Variants in SHTN1 observed in about 807,000 individuals in gnomAD.
SHTN1 encodes the protein shootin-1.
Under a neutral mutation model 83.1 loss-of-function variants are expected in SHTN1, and 42 were observed. The observed-to-expected ratio is 0.51, with a 90% CI of 0.39 to 0.65. SHTN1 has a LOEUF of 0.65. Among genes scored for constraint, SHTN1 ranks in the 30% least tolerant of loss-of-function variants. The pLI, the probability that SHTN1 is intolerant of heterozygous loss-of-function variation, is 0.00. For missense variants in SHTN1, 622 were observed against 737.8 expected, an observed-to-expected ratio of 0.84 and a Z score of 1.82; for synonymous variants, 224 against 247.7, an observed-to-expected ratio of 0.90 and a Z score of 0.90.
intron 2 of SHTN1, among the ~76,000 whole-genome samples, chr10:117,027,740 C>T (rs958986664): frequency 2.0e-5 from 3 of 152,180 alleles, no homozygotes; most frequent in South Asian, 2.1e-4. Flanking sequence ...CCTTGTGATC[C>T]GCCTGTCTCA....
chr10:117,030,004 T>C (rs1176528236), intron 2 of SHTN1, among the ~76,000 whole-genome samples: 1 of 151,728 alleles, frequency 6.6e-6, no homozygotes, highest in Non-Finnish European at 1.5e-5. Context: ...TTCTCCTGTC[T>C]CAGCCTCCCA....
intron 1 of SHTN1, among the ~76,000 whole-genome samples, chr10:117,004,814 C>T (rs574260055): frequency 6.6e-6 from 1 of 152,358 alleles, no homozygotes; most frequent in African/African-American, 2.4e-5. Flanking sequence ...CTGACTAGCC[C>T]CGACACTCCG....
At chr10:116,891,171 A>G (rs1293704006) in intron 16 of SHTN1, among the ~76,000 whole-genome samples, 3 of 152,264 alleles carry the variant, frequency 2.0e-5, no homozygotes, top group Non-Finnish European at 4.4e-5. Context: ...CATTTTGAAC[A>G]TTACAGTGAA....
chr10:116,958,065 G>GA lies in SHTN1; in HGVS notation c.267+2070dup, dbSNP rs532663659. 7.7e-4 allele frequency among the ~76,000 whole-genome samples: 116 copies of GA among 151,350 alleles called. 2 individuals carry two copies. In the South Asian group the frequency reaches 0.022, roughly 29 times the overall value. ...ACAGAGCAGGACTCCATTTCAAAAA[G>GA]AAAAAAAAGAAAATTACGAGGTCAA... is the stretch of plus-strand genomic sequence containing the variant. On this transcript the variant is annotated intron_variant, in intron 4 of 16. Coordinates refer to ENST00000355371, the MANE Select transcript of SHTN1 (RefSeq NM_001127211.3).
chr10:116,982,958 G>A (rs1312325895), intron 1 of SHTN1, among the ~76,000 whole-genome samples: 1 of 150,868 alleles, frequency 6.6e-6, no homozygotes, highest in East Asian at 1.9e-4. Context: ...GCAAGACTCT[G>A]TCTCAAAAAA....
At chr10:117,034,490 A>G (rs904263871) in intron 2 of SHTN1, among the ~76,000 whole-genome samples, 3 of 152,098 alleles carry the variant, frequency 2.0e-5, no homozygotes, top group African/African-American at 7.2e-5. Flanking sequence ...AAAATACAAA[A>G]ATTAGTTGGG....
At chr10:117,064,963 C>T (rs1852954061) in intron 1 of SHTN1, among the ~76,000 whole-genome samples, 1 of 152,200 alleles carries the variant, frequency 6.6e-6, no homozygotes, top group African/African-American at 2.4e-5. Context: ...TCTCCCAGAG[C>T]TTGCTTCTTT....
chr10:117,082,435 T>C lies in SHTN1; in HGVS notation c.-188-33925A>G, dbSNP rs1292083344. Among the ~76,000 whole-genome samples the C allele has an allele frequency of 2.0e-5, 3 of 150,452 alleles. No homozygotes were observed. In the East Asian group the frequency reaches 5.9e-4, roughly 30 times the overall value. On this transcript the variant is annotated intron_variant, in intron 1 of 17. Coordinates refer to the SHTN1 transcript ENST00000392901. ...ATAATTTCTGTTCTTTTACATTTGC[T>C]GAGGAGAGCTTTACTTCCAAGTATG...
chr10:117,038,304 A>ATT (rs56058010), intron 2 of SHTN1, among the ~76,000 whole-genome samples: 7 of 144,206 alleles, frequency 4.9e-5, no homozygotes, highest in African/African-American at 1.8e-4. Flanking sequence ...ATACCCAGCT[A>ATT]TTTTTTTTTT....
chr10:116,983,403 C>T (rs1851100290), intron 1 of SHTN1, among the ~76,000 whole-genome samples: 2 of 152,038 alleles, frequency 1.3e-5, no homozygotes, highest in Admixed American at 6.6e-5. Flanking sequence ...TTCCAGGGTA[C>T]TTCTATCCTC....
At chr10:117,029,549 C>A (rs1253227773) in intron 2 of SHTN1, among the ~76,000 whole-genome samples, 1 of 152,072 alleles carries the variant, frequency 6.6e-6, no homozygotes, top group Non-Finnish European at 1.5e-5. Flanking sequence ...GGAGGTGGGG[C>A]CTGGTGGGAG....
At chr10:117,093,015 G>A (rs1418080533) in intron 1 of SHTN1, among the ~76,000 whole-genome samples, 1 of 152,074 alleles carries the variant, frequency 6.6e-6, no homozygotes, top group African/African-American at 2.4e-5. Flanking sequence ...TACTTATAGA[G>A]TCCTAAATGC....
chr10:117,055,049 A>G (rs1852808095), intron 1 of SHTN1, among the ~76,000 whole-genome samples: 1 of 152,188 alleles, frequency 6.6e-6, no homozygotes, highest in Admixed American at 6.5e-5. Flanking sequence ...ACTTAAAATC[A>G]TGGCAGAAGA....
chr10:116,989,113 A>G (rs1851326081), intron 1 of SHTN1, among the ~76,000 whole-genome samples: 1 of 152,186 alleles, frequency 6.6e-6, no homozygotes, highest in African/African-American at 2.4e-5. Context: ...CTACAGCTGA[A>G]CTTAAAGATA....
intron 4 of SHTN1, among the ~76,000 whole-genome samples, chr10:116,957,932 T>C (rs981278190): frequency 6.6e-6 from 1 of 152,102 alleles, no homozygotes; most frequent in Non-Finnish European, 1.5e-5. Flanking sequence ...TGGTGGCACA[T>C]GCCTGTAATC....
chr10:117,064,796 A>G (rs1390424298), intron 1 of SHTN1, among the ~76,000 whole-genome samples: 1 of 152,174 alleles, frequency 6.6e-6, no homozygotes, highest in Non-Finnish European at 1.5e-5. Context: ...ATCTAAATTG[A>G]ACCTTACTGT....
At chr10:116,947,900 C>A (rs1012002114) in intron 7 of SHTN1, among the ~76,000 whole-genome samples, 1 of 152,156 alleles carries the variant, frequency 6.6e-6, no homozygotes, top group African/African-American at 2.4e-5. Context: ...AGAAATGTTA[C>A]AATCCAGCAT....
At chr10:117,065,478 G>A (rs1220850535) in intron 1 of SHTN1, among the ~76,000 whole-genome samples, 3 of 151,274 alleles carry the variant, frequency 2.0e-5, no homozygotes, top group Non-Finnish European at 4.4e-5. Context: ...AGCACTTTGG[G>A]AGGCCGAGGC....
intron 3 of SHTN1, among the ~76,000 whole-genome samples, chr10:116,965,129 G>A (rs763077216): frequency 6.6e-6 from 1 of 152,206 alleles, no homozygotes; most frequent in Non-Finnish European, 1.5e-5. Context: ...ATGGACATAT[G>A]GATAAAAACA....
Sources: allele counts gnomAD v4.1 joint callset (sites outside exome capture counted in the v4.1 genomes callset), GRCh38; gene constraint gnomAD v4.1.1; transcripts MANE v1.5; gene names NCBI Gene and HGNC (gene_info 2026-07-23, HGNC 2026-07-21).